Variants in LRRC4C observed in about 807,000 individuals in gnomAD.
LRRC4C encodes leucine rich repeat containing 4C, also known as leucine-rich repeat-containing protein 4C.
In LRRC4C, 5 loss-of-function variants were observed where a neutral mutation model predicts 33.6. That is an observed-to-expected ratio of 0.15 (90% CI 0.08 to 0.31). LRRC4C has a LOEUF of 0.31. Among genes scored for constraint, LRRC4C ranks in the 10% least tolerant of loss-of-function variants. The pLI is 1.00. For missense variants in LRRC4C, 560 were observed against 796.7 expected, an observed-to-expected ratio of 0.70 and a Z score of 3.58; for synonymous variants, 329 against 302.0, an observed-to-expected ratio of 1.09 and a Z score of -0.93.
rs1215277496 is a variant in LRRC4C, at chr11:41,177,233, A to G, written c.-495-243510T>C. Among the ~76,000 whole-genome samples the G allele has an allele frequency of 3.3e-5, 5 of 152,184 alleles. No homozygotes were observed. In the South Asian group the frequency reaches 1.0e-3, roughly 32 times the overall value. ...AGAGAGACTGAAGACTGAGTGGTAC[A>G]AGAAGAGTGTATGTTCATCAACGGG... On this transcript the variant is annotated intron_variant, in intron 1 of 6. Transcript: ENST00000528697.
intron 1 of LRRC4C, among the ~76,000 whole-genome samples, chr11:41,372,863 C>G (rs1386748016): frequency 6.6e-6 from 1 of 151,402 alleles, no homozygotes; most frequent in Non-Finnish European, 1.5e-5. Context: ...ATAAATCTCC[C>G]TAATTTTTTT....
intron 2 of LRRC4C, among the ~76,000 whole-genome samples, chr11:40,903,305 G>T (rs1221033847): frequency 6.6e-6 from 1 of 151,968 alleles, no homozygotes; most frequent in African/African-American, 2.4e-5. Flanking sequence ...TACTGCTAAG[G>T]AAAAAAATAA....
At chr11:40,619,409 C>G (rs1186142151) in intron 3 of LRRC4C, among the ~76,000 whole-genome samples, 1 of 151,488 alleles carries the variant, frequency 6.6e-6, no homozygotes, top group East Asian at 1.9e-4. Context: ...TTCATGTACC[C>G]CATAAATATA....
chr11:41,280,291 T>A (rs1949621129), intron 1 of LRRC4C, among the ~76,000 whole-genome samples: 1 of 152,204 alleles, frequency 6.6e-6, no homozygotes, highest in Non-Finnish European at 1.5e-5. Flanking sequence ...GATGGATGAA[T>A]GTGAAGTGGA....
chr11:41,074,342 T>G (rs1938944914), intron 1 of LRRC4C, among the ~76,000 whole-genome samples: 1 of 152,196 alleles, frequency 6.6e-6, no homozygotes, highest in Admixed American at 6.5e-5. Context: ...ACTTTAAAGA[T>G]ATTCCTTACT....
chr11:40,591,030 T>C (rs1214616741), intron 3 of LRRC4C, among the ~76,000 whole-genome samples: 1 of 152,158 alleles, frequency 6.6e-6, no homozygotes, highest in African/African-American at 2.4e-5. Context: ...CTGGCTGCTT[T>C]GTTTACCTAA....
At chr11:40,501,093 G>T (rs1954746439) in intron 3 of LRRC4C, among the ~76,000 whole-genome samples, 1 of 152,096 alleles carries the variant, frequency 6.6e-6, no homozygotes, top group Admixed American at 6.5e-5. Context: ...GTTCCAAAAT[G>T]ATCTCCTTTG....
At chr11:40,836,516 T>C (rs1395084212) in intron 2 of LRRC4C, among the ~76,000 whole-genome samples, 2 of 152,186 alleles carry the variant, frequency 1.3e-5, no homozygotes, top group Non-Finnish European at 2.9e-5. Flanking sequence ...AATCACTCTT[T>C]TATGTTCTCC....
At chr11:41,234,686 T>C (rs1947943102) in intron 1 of LRRC4C, among the ~76,000 whole-genome samples, 2 of 152,044 alleles carry the variant, frequency 1.3e-5, no homozygotes, top group African/African-American at 4.8e-5. Flanking sequence ...TCTTTTGCCA[T>C]ATGTGGCTTT....
At chr11:40,129,479 G>A (rs1487445727) in intron 6 of LRRC4C, among the ~76,000 whole-genome samples, 1 of 152,092 alleles carries the variant, frequency 6.6e-6, no homozygotes, top group Non-Finnish European at 1.5e-5. Context: ...TCTGCTGTAT[G>A]TGCCTAAAAT....
At position 40,719,301 on chromosome 11, in the gene LRRC4C, T is replaced by C. The variant is rs938860687; in HGVS notation, c.-406-71023A>G. Among the ~76,000 whole-genome samples the C allele has an allele frequency of 3.3e-5, 5 of 152,356 alleles. No homozygotes were observed. In the South Asian group the frequency reaches 1.0e-3, roughly 32 times the overall value. On this transcript the variant is annotated intron_variant, in intron 2 of 6. Transcript: ENST00000528697. ...TGAATGCATTACTGCAAACCATGAA[T>C]ATTTTTAATTCTAGTCTTCTAAGAG... is the stretch of plus-strand genomic sequence containing the variant.
At chr11:40,439,572 G>A (rs553262225) in intron 3 of LRRC4C, among the ~76,000 whole-genome samples, 6 of 151,388 alleles carry the variant, frequency 4.0e-5, no homozygotes, top group Admixed American at 6.6e-5. Flanking sequence ...TTCTGCCTCA[G>A]CCTCCCAAGT....
At chr11:40,119,980 T>A (rs1855712330) in intron 6 of LRRC4C, among the ~76,000 whole-genome samples, 1 of 152,076 alleles carries the variant, frequency 6.6e-6, no homozygotes, top group African/African-American at 2.4e-5. Context: ...AATTACCCAA[T>A]CATAAGACCA....
At chr11:40,331,939 A>T (rs1484754462) in intron 3 of LRRC4C, among the ~76,000 whole-genome samples, 1 of 152,166 alleles carries the variant, frequency 6.6e-6, no homozygotes, top group African/African-American at 2.4e-5. Context: ...TCATTTATAT[A>T]TATTCTATTG....
At chr11:40,876,901 CAAAA>C (rs71060985) in intron 2 of LRRC4C, among the ~76,000 whole-genome samples, 8 of 98,820 alleles carry the variant, frequency 8.1e-5, no homozygotes, top group African/African-American at 1.9e-4. Flanking sequence ...GGCTCTTTCT[CAAAA>C]AAAAAAAAAA....
intron 2 of LRRC4C, among the ~76,000 whole-genome samples, chr11:40,758,046 G>A (rs1320153196): frequency 1.3e-5 from 2 of 152,050 alleles, no homozygotes; most frequent in Non-Finnish European, 2.9e-5. Context: ...ATGCAGTGAC[G>A]TTGTTGGAAG....
intron 1 of LRRC4C, among the ~76,000 whole-genome samples, chr11:41,315,781 A>C (rs930543120): frequency 6.6e-6 from 1 of 152,214 alleles, no homozygotes. Context: ...TGAGAAAACA[A>C]ACCTATATAG....
chr11:40,447,466 C>A (rs1415889369), intron 3 of LRRC4C, among the ~76,000 whole-genome samples: 1 of 152,114 alleles, frequency 6.6e-6, no homozygotes, highest in Non-Finnish European at 1.5e-5. Context: ...TTCAAGGGAC[C>A]ATTGCTAGCA....
At chr11:40,765,032 GACAA>G in intron 2 of LRRC4C, among the ~76,000 whole-genome samples, 1 of 152,082 alleles carries the variant, frequency 6.6e-6, no homozygotes. Context: ...CTCAGATACT[GACAA>G]ACATTCACCA....
Sources: gnomAD v4.1 joint callset for allele counts (sites outside exome capture counted in the v4.1 genomes callset) on GRCh38, gnomAD v4.1.1 for gene constraint, MANE v1.5 for transcripts, NCBI Gene and HGNC (gene_info 2026-07-23, HGNC 2026-07-21) for gene names.